The following CEP63 variants were observed in gnomAD, a reference collection of about 807,000 sequenced individuals.
CEP63 encodes the protein centrosomal protein 63.
In CEP63, 84 loss-of-function variants were observed where a neutral mutation model predicts 89.1. The observed-to-expected ratio is 0.94, with a 90% confidence interval of 0.79 to 1.13. The LOEUF is 1.13. CEP63 is among the 50% of genes most tolerant of loss of function. CEP63 has a pLI of 0.00. For missense variants in CEP63, 838 were observed against 813.3 expected (o/e 1.03, Z -0.37); for synonymous variants, 267 against 272.5 (o/e 0.98, Z 0.20).
intron 11 of CEP63, 147 bp from the exon 12 acceptor site, chr3:134,551,779 A>ATG: frequency 5.2e-6 from 1 of 192,014 alleles, no homozygotes; most frequent in Non-Finnish European, 9.9e-6. Context: ...ACATATATAT[A>ATG]TGTATATATA....
At chr3:134,548,650 AGTAATACATTTTTT>A (rs34272863) in intron 9 of CEP63, among the ~76,000 whole-genome samples, 48,116 of 151,868 alleles carry the variant, frequency 0.32, 7,848 homozygotes, top group African/African-American at 0.36. Flanking sequence ...GTTATCTTTA[AGTAATACATTTTTT>A]GTTTTTACAT....
chr3:134,565,100 A>C, downstream of CEP63: 2 of 322,842 alleles, frequency 6.2e-6, no homozygotes, highest in Non-Finnish European at 8.9e-6. Context: ...ATGAGATGAA[A>C]AGATTAGGGA....
rs568653047 is a variant in CEP63, at chr3:134,587,497, C to T, written c.1246C>T (p.Arg416Cys). 5.5e-4 allele frequency among the ~76,000 whole-genome samples: 83 copies of T among 152,272 alleles called. 1 individual carries two copies. In the South Asian group the frequency reaches 7.5e-3, roughly 14 times the overall value. Residue 416 changes from arginine (R) to cysteine (C), a missense_variant, in exon 11 of 11, where the codon CGC becomes TGC. Physicochemically the swap from Arg to Cys is radical, Grantham distance 180. Transcript: ENST00000683931. Reference sequence around the variant, plus strand: ...GAGTTTGCTGGAGGTCCACTCCAGACGCTGTTTGCCTGGGTATCACCAGCG... The same window carrying T: ...GAGTTTGCTGGAGGTCCACTCCAGATGCTGTTTGCCTGGGTATCACCAGCG...
At chr3:134,673,853 G>C in the CEP63 span, among the ~76,000 whole-genome samples, 2 of 152,132 alleles carry the variant, frequency 1.3e-5, no homozygotes, top group Admixed American at 6.5e-5. Context: ...ACATTCTGTG[G>C]TGAGCACCCG....
the CEP63 span, among the ~76,000 whole-genome samples, chr3:134,701,675 G>T: frequency 6.6e-6 from 1 of 151,938 alleles, no homozygotes; most frequent in Non-Finnish European, 1.5e-5. Context: ...ACAAGACAAG[G>T]ATGCCCTTTC....
chr3:134,486,336 C>T (rs1440126487), intron 1 of CEP63, 134 bp downstream of exon 1: 2 of 985,456 alleles, frequency 2.0e-6, no homozygotes, highest in African/African-American at 1.7e-5. Context: ...GGCTTCGCGG[C>T]CTCATGGCTT....
At chr3:134,549,859 A>G (rs933163221) in intron 10 of CEP63, among the ~76,000 whole-genome samples, 5 of 152,230 alleles carry the variant, frequency 3.3e-5, no homozygotes, top group African/African-American at 1.2e-4. Flanking sequence ...GTTTTGAGGT[A>G]TAATAAATGA....
intron 12 of CEP63, chr3:134,553,582 A>G (rs573733423): frequency 7.2e-5 from 11 of 152,328 alleles, no homozygotes; most frequent in South Asian, 6.2e-4. Flanking sequence ...TCTCTAATAA[A>G]GCAAAATAGA....
At chr3:134,699,013 T>G in the CEP63 span, among the ~76,000 whole-genome samples, 1 of 152,118 alleles carries the variant, frequency 6.6e-6, no homozygotes, top group South Asian at 2.1e-4. Flanking sequence ...CTCTCACTAC[T>G]TGGAGAGGGC....
In CEP63 at chr3:134,546,272, G is replaced by A. The variant is rs1953294456; in HGVS notation, c.913G>A (p.Ala305Thr). 1 of 1,613,408 alleles carries A rather than the reference G, an allele frequency of 6.2e-7. No individual in the cohort carries two copies. The change falls in exon 8 of 15, where the codon GCT becomes ACT. Residue 305 changes from alanine (A) to threonine (T), a missense_variant. Coordinates refer to ENST00000675561, the MANE Select transcript of CEP63 (RefSeq NM_001353108.3). ...EKVKATNTQH[A>T]VEAIRPREES... is the part of the protein sequence containing the mutation. ...AGTAAAGGCAACTAACACTCAACATGCTGTAGAAGCTATAAGGTAAATTTA... is the reference window on the plus strand; with the variant it reads ...AGTAAAGGCAACTAACACTCAACATACTGTAGAAGCTATAAGGTAAATTTA...
chr3:134,748,624 G>T, the CEP63 span, among the ~76,000 whole-genome samples: 2 of 152,304 alleles, frequency 1.3e-5, no homozygotes, highest in East Asian at 3.9e-4. Context: ...TGCAGTAACA[G>T]TAAACCCAAC....
the CEP63 span, chr3:134,610,437 A>G: frequency 6.6e-7 from 1 of 1,505,546 alleles, no homozygotes; most frequent in Non-Finnish European, 9.1e-7. Context: ...CTTGCCTCCA[A>G]GTCTGTCCAT....
At chr3:134,767,849 T>C in the CEP63 span, among the ~76,000 whole-genome samples, 1 of 152,208 alleles carries the variant, frequency 6.6e-6, no homozygotes, top group African/African-American at 2.4e-5. Context: ...AGAACTGGAT[T>C]GTCAAAATTC....
the CEP63 span, among the ~76,000 whole-genome samples, chr3:134,688,278 AT>A: frequency 2.6e-5 from 4 of 152,260 alleles, no homozygotes; most frequent in South Asian, 6.2e-4. Context: ...TATGGATGGA[AT>A]TTTAAGACAT....
At chr3:134,603,384 C>T in the CEP63 span, 1 of 527,524 alleles carries the variant, frequency 1.9e-6, no homozygotes, top group Non-Finnish European at 3.3e-6. Flanking sequence ...CCCCCTCAGT[C>T]ACAGCCACAC....
Position 134,531,884 on chromosome 3 carries a change from A to G in CEP63, c.262A>G (p.Ile88Val). ...LHQQVEEHEK[I>V]KQEMTMEYKQ... is the part of the protein sequence containing the mutation. ...TCAGCAGGTAGAAGAACATGAAAAA[A>G]TCAAGCAAGAGATGACCATGGAATA... The change falls in exon 4 of 15, where the codon ATC becomes GTC. Residue 88 changes from isoleucine (I) to valine (V), a missense_variant. Transcript: ENST00000675561. 3.1e-6 allele frequency: 5 copies of G among 1,613,748 alleles called. No homozygotes were observed. The highest frequency in any genetic ancestry group is 4.2e-6 in the Non-Finnish European group (5 of 1,179,784).
the CEP63 span, among the ~76,000 whole-genome samples, chr3:134,744,781 G>C: frequency 6.6e-6 from 1 of 152,128 alleles, no homozygotes; most frequent in Non-Finnish European, 1.5e-5. Flanking sequence ...TCCTTCCAAA[G>C]TGCTAGGATT....
the CEP63 span, among the ~76,000 whole-genome samples, chr3:134,657,320 C>A: frequency 6.6e-6 from 1 of 152,182 alleles, no homozygotes; most frequent in Non-Finnish European, 1.5e-5. Context: ...CCACAACACA[C>A]AGGAATTCTG....
the CEP63 span, among the ~76,000 whole-genome samples, chr3:134,699,088 G>T: frequency 5.3e-5 from 8 of 152,172 alleles, no homozygotes; most frequent in Non-Finnish European, 7.3e-5. Flanking sequence ...GGTAGATGAG[G>T]TATTTTATCT....
Sources: allele counts gnomAD v4.1 joint callset (sites outside exome capture counted in the v4.1 genomes callset), GRCh38; gene constraint gnomAD v4.1.1; transcripts MANE v1.5; gene names NCBI Gene and HGNC (gene_info 2026-07-23, HGNC 2026-07-21).